The following ATP6V1D variants were observed in gnomAD, a reference collection of about 807,000 sequenced individuals.
ATP6V1D encodes the protein V-type proton ATPase subunit D.
A neutral mutation model predicts 39.4 loss-of-function variants in ATP6V1D; 20 were observed. The ratio of observed to expected loss-of-function variants is 0.51; its 90% confidence interval spans 0.36 to 0.74. The LOEUF is 0.74. ATP6V1D is among the 30% of genes least tolerant of loss of function. The pLI is 0.00. For missense variants in ATP6V1D, 228 were observed against 291.6 expected, an observed-to-expected ratio of 0.78 and a Z score of 1.59; for synonymous variants, 100 against 100.5, an observed-to-expected ratio of 0.99 and a Z score of 0.03.
chr14:67,349,629 G>A (rs964924723), intron 3 of ATP6V1D, among the ~76,000 whole-genome samples: 1 of 152,174 alleles, frequency 6.6e-6, no homozygotes, highest in Non-Finnish European at 1.5e-5. Flanking sequence ...GAGGCCAGGA[G>A]TTCAAAACCA....
intron 6 of ATP6V1D, among the ~76,000 whole-genome samples, chr14:67,345,503 C>T (rs1404470612): frequency 2.0e-5 from 3 of 150,416 alleles, no homozygotes; most frequent in Admixed American, 1.3e-4. Context: ...TGCAGTGAGC[C>T]GAGGTCGCGC....
chr14:67,350,538 A>T (rs1330019563), intron 3 of ATP6V1D, 73 bp downstream of exon 3: 7 of 1,326,062 alleles, frequency 5.3e-6, no homozygotes, highest in Non-Finnish European at 7.4e-6. Flanking sequence ...AAATTAAAAA[A>T]TGCTTTTTAA....
chr14:67,342,723 A>G (rs1018225197), intron 7 of ATP6V1D, among the ~76,000 whole-genome samples: 1 of 150,832 alleles, frequency 6.6e-6, no homozygotes, highest in African/African-American at 2.4e-5. Context: ...TAGTTAATAT[A>G]TCATATTATA....
intron 2 of ATP6V1D, among the ~76,000 whole-genome samples, chr14:67,351,011 G>A (rs2141106605): frequency 6.6e-6 from 1 of 152,270 alleles, no homozygotes; most frequent in South Asian, 2.1e-4. Context: ...ATTCACTGCA[G>A]TTGCAGTCAA....
At position 67,345,788 on chromosome 14, in the gene ATP6V1D, C is replaced by T; in HGVS notation, c.436G>A (p.Val146Met). Residue 146 changes from valine to methionine, a missense_variant, in exon 6 of 9, where the codon GTG becomes ATG. By Grantham distance (21) the Val-to-Met change is conservative (BLOSUM62 1). Transcript: ENST00000216442. The part of the protein sequence containing the change: ...RNYAKAVELL[V>M]ELASLQTSFV... ...CTTACCTGCAGAGAAGCTAGTTCCA[C>T]CAGTAGTTCCACTGCTTTGGCATAA... is the stretch of plus-strand genomic sequence containing the variant. 1 of 1,613,718 alleles carries T rather than the reference C, an allele frequency of 6.2e-7. No individual in the cohort carries two copies. The highest frequency in any genetic ancestry group is 8.5e-7 in the Non-Finnish European group (1 of 1,179,670).
chr14:67,359,751 T>C lies in ATP6V1D; in HGVS notation c.-53A>G, dbSNP rs1251048461. ...CCCGGCCGGGCAACCGAGGCTGCAA[T>C]AGCTCCAGAACTGGCCTCCACAGTG... is the stretch of plus-strand genomic sequence containing the variant. On this transcript the variant is annotated 5_prime_UTR_variant, in exon 1 of 9. Coordinates refer to ENST00000216442, the MANE Select transcript of ATP6V1D (RefSeq NM_015994.4). The C allele has an allele frequency of 5.6e-6, 9 of 1,607,430 alleles. No homozygotes were observed. In the African/African-American group the frequency reaches 1.1e-4, roughly 19 times the overall value.
chr14:67,357,955 G>C (rs1312793223), intron 1 of ATP6V1D, among the ~76,000 whole-genome samples: 2 of 152,204 alleles, frequency 1.3e-5, no homozygotes, highest in Admixed American at 6.5e-5. Context: ...AGAGTTGGAA[G>C]AGATACATAT....
At chr14:67,340,634 A>G in intron 7 of ATP6V1D, 116 bp from the exon 8 acceptor site, 1 of 847,290 alleles carries the variant, frequency 1.2e-6, no homozygotes, top group Admixed American at 2.4e-5. Flanking sequence ...TGTGCATTTA[A>G]TGCAGAGAAC....
At chr14:67,344,846 A>ATG (rs767043411) in intron 6 of ATP6V1D, among the ~76,000 whole-genome samples, 1 of 151,848 alleles carries the variant, frequency 6.6e-6, no homozygotes, top group African/African-American at 2.4e-5. Flanking sequence ...GCAACACTGC[A>ATG]CTCCAGCCTG....
At chr14:67,352,798 T>C (rs902356165) in intron 2 of ATP6V1D, 125 bp downstream of exon 2, 12 of 659,574 alleles carry the variant, frequency 1.8e-5, no homozygotes, top group Non-Finnish European at 3.1e-5. Context: ...TTGTTAAACT[T>C]ATAATGGTAT....
At chr14:67,356,185 C>T (rs1440844664) in intron 1 of ATP6V1D, among the ~76,000 whole-genome samples, 4 of 152,094 alleles carry the variant, frequency 2.6e-5, no homozygotes, top group South Asian at 2.1e-4. Flanking sequence ...TTTGGGAGGC[C>T]GAGGCAGGTG....
chr14:67,359,214 T>A (rs1595640456), intron 1 of ATP6V1D, among the ~76,000 whole-genome samples: 1 of 152,200 alleles, frequency 6.6e-6, no homozygotes, highest in Admixed American at 6.5e-5. Flanking sequence ...TAGGGACCTC[T>A]TCTATATCCT....
In ATP6V1D at chr14:67,340,468, C is replaced by G. The variant is rs761217080; in HGVS notation, c.574G>C (p.Asp192His). The G allele has an allele frequency of 6.2e-7, 1 of 1,613,910 alleles. No individual in the cohort carries two copies. The highest frequency in any genetic ancestry group is 1.7e-5 in the Admixed American group (1 of 60,020). Residue 192 changes from aspartate (D) to histidine (H), a missense_variant, in exon 8 of 9, where the codon GAT (aspartate) becomes CAT (histidine). Coordinates refer to ENST00000216442, the MANE Select transcript of ATP6V1D (RefSeq NM_015994.4). ...TAGAACTCTTCTCGCTCTCTCTCAT[C>G]CAGCTCTGTGATGATATAAGCAAGA... The part of the protein sequence containing the change: ...RTLAYIITEL[D>H]EREREEFYRL...
intron 4 of ATP6V1D, among the ~76,000 whole-genome samples, chr14:67,348,599 G>A (rs2085637449): frequency 6.6e-6 from 1 of 151,858 alleles, no homozygotes; most frequent in Admixed American, 6.6e-5. Flanking sequence ...TCGGCTCACT[G>A]GAACCTCCGC....
chr14:67,356,438 A>G (rs1236655116), intron 1 of ATP6V1D, among the ~76,000 whole-genome samples: 4 of 143,874 alleles, frequency 2.8e-5, no homozygotes, highest in Non-Finnish European at 5.9e-5. Flanking sequence ...CAAAAACAAA[A>G]AAAAAAAAAC....
Position 67,341,227 on chromosome 14 carries a change from A to C in ATP6V1D, c.524-709T>G, listed in dbSNP as rs1203858640. On this transcript the variant is annotated intron_variant, in intron 7 of 8. Coordinates refer to ENST00000216442, the MANE Select transcript of ATP6V1D (RefSeq NM_015994.4). ...TGGCCGCCATCCCATCTAGGAAGTG[A>C]GGAGCGTCTCTGCCCGGCCGCCCAT... Among the ~76,000 whole-genome samples the C allele has an allele frequency of 2.6e-5, 4 of 151,882 alleles. No individual in the cohort carries two copies. In the South Asian group the frequency reaches 8.3e-4, roughly 32 times the overall value.
intron 1 of ATP6V1D, among the ~76,000 whole-genome samples, chr14:67,356,045 C>T (rs549533187): frequency 6.6e-6 from 1 of 152,038 alleles, no homozygotes; most frequent in Non-Finnish European, 1.5e-5. Flanking sequence ...GGTTGTATAA[C>T]CTAGACACAG....
rs1223138203 is a variant in ATP6V1D, at chr14:67,338,751, A to G, written c.614T>C (p.Ile205Thr). The stretch of plus-strand genomic sequence containing the variant: ...CTTTAGAATCTTTTTCTTCTCTTGT[A>G]TTTTCTTTAACCTGTAAAATACAGG... The part of the protein sequence containing the change: ...EREEFYRLKK[I>T]QEKKKILKEK... Residue 205 changes from isoleucine to threonine, a missense_variant, in exon 9 of 9, where the codon ATA becomes ACA. By Grantham distance (89) the Ile-to-Thr change is moderately conservative. Coordinates refer to ENST00000216442, the MANE Select transcript of ATP6V1D (RefSeq NM_015994.4). The G allele has an allele frequency of 6.2e-7, 1 of 1,611,722 alleles. No homozygotes were observed. The highest frequency in any genetic ancestry group is 1.1e-5 in the South Asian group (1 of 90,964).
At chr14:67,350,415 G>A (rs978825129) in intron 3 of ATP6V1D, among the ~76,000 whole-genome samples, 196 bp downstream of exon 3, 2 of 152,150 alleles carry the variant, frequency 1.3e-5, no homozygotes, top group African/African-American at 4.8e-5. Context: ...AGTATCCTGC[G>A]CCTGCAACTA....
Sources: gnomAD v4.1 joint callset for allele counts (sites outside exome capture counted in the v4.1 genomes callset) on GRCh38, gnomAD v4.1.1 for gene constraint, MANE v1.5 for transcripts, NCBI Gene and HGNC (gene_info 2026-07-23, HGNC 2026-07-21) for gene names.